PCDHGB2: variants seen among roughly 807,000 people sequenced by gnomAD.
PCDHGB2 encodes the protein protocadherin gamma-B2.
A neutral mutation model predicts 59.3 loss-of-function variants in PCDHGB2; 55 were observed. The observed-to-expected ratio is 0.93, with a 90% CI of 0.75 to 1.16. The LOEUF is 1.16. Among genes scored for constraint, PCDHGB2 ranks in the 50% most tolerant of loss-of-function variants. The probability of loss-of-function intolerance (pLI) is 0.00; values close to 1 mark genes in which losing one functional copy is unlikely to be tolerated. For missense variants in PCDHGB2, 1,228 were observed against 1,198.5 expected (o/e 1.02, Z -0.36); for synonymous variants, 516 against 512.0 (o/e 1.01, Z -0.11).
rs144695545 is a variant in PCDHGB2, at chr5:141,487,156, C to G, written c.2422-7651C>G. ...CACCACTCTCTACCTCTGTTACTCT[C>G]TTAGTGTCCTTAGAGGAAGACACTC... On this transcript the variant is annotated intron_variant, in intron 1 of 3. Transcript: ENST00000522605. This position sits in a 1 kb window ranked among gnomAD's most constrained non-coding sequence, Gnocchi z 5.0. 105 of 1,613,896 alleles carry G rather than the reference C, an allele frequency of 6.5e-5. No homozygotes were observed. In the African/African-American group the frequency reaches 1.2e-3, roughly 18 times the overall value.
chr5:141,431,719 A>G lies in PCDHGB2; in HGVS notation c.2422-63088A>G. On this transcript the variant is annotated intron_variant, in intron 1 of 3. Transcript: ENST00000522605. This position sits in a 1 kb window ranked among gnomAD's most constrained non-coding sequence, Gnocchi z 4.8. ...CAGGATTCTACCAGATGGAAGTGCA[A>G]GCAATGGATAATGCAGGATATTCTG... 6.2e-7 allele frequency: 1 copy of G among 1,614,244 alleles called. No individual in the cohort carries two copies. Among genetic ancestry groups the G allele is most frequent in the Non-Finnish European group, 8.5e-7 (1 of 1,180,050 alleles).
Position 141,502,866 on chromosome 5 carries a change from C to CTTTTTTTTTTTTT in PCDHGB2, c.2481-2525_2481-2513dup, listed in dbSNP as rs549047197. ...GAGCTGCCTAACCCTGACTCTCTGT[C>CTTTTTTTTTTTTT]TTTTTTTTTTTTTTGACAGGGAGTC... On this transcript the variant is annotated intron_variant, in intron 2 of 3. Transcript: ENST00000522605. Among the ~76,000 whole-genome samples, 40 of 128,010 alleles carry CTTTTTTTTTTTTT rather than the reference C, an allele frequency of 3.1e-4. 6 individuals carry two copies. The highest frequency in any genetic ancestry group is 5.1e-4 in the Admixed American group (6 of 11,656). 84.0% of individuals were successfully genotyped at this position (128,010 alleles called of 152,430 possible). A position where few individuals can be genotyped will look rare whatever the true frequency, so the allele number is the denominator to read the frequency against.
intron 1 of PCDHGB2, chr5:141,394,634 C>T (rs764703837): frequency 2.5e-6 from 4 of 1,613,328 alleles, no homozygotes; most frequent in Non-Finnish European, 1.7e-6. Flanking sequence ...TGTCCTACCG[C>T]CTGCTCAAGG....
At chr5:141,403,838 GA>G (rs751575888) in intron 1 of PCDHGB2, 1 of 1,613,592 alleles carries the variant, frequency 6.2e-7, no homozygotes, top group African/African-American at 1.3e-5. Context: ...CCAGCTTAAT[GA>G]AAATACTGGG....
At chr5:141,369,742 A>G (rs1766466506) in intron 1 of PCDHGB2, among the ~76,000 whole-genome samples, 1 of 152,236 alleles carries the variant, frequency 6.6e-6, no homozygotes, top group African/African-American at 2.4e-5. Flanking sequence ...AGGAAATAGA[A>G]TGCAATAAGA....
At chr5:141,416,217 G>A (rs1224952837) in intron 1 of PCDHGB2, 1 of 152,288 alleles carries the variant, frequency 6.6e-6, no homozygotes, top group Non-Finnish European at 1.5e-5. Flanking sequence ...AACAATGTAT[G>A]CTTAGATTTT....
At chr5:141,366,242 C>T (rs766649335) in intron 1 of PCDHGB2, 1 of 1,613,782 alleles carries the variant, frequency 6.2e-7, no homozygotes, top group East Asian at 2.2e-5. Flanking sequence ...CAGAGACGCG[C>T]TCAAGCAGAG....
At chr5:141,405,096 G>A (rs2094608531) in intron 1 of PCDHGB2, 6 of 1,613,808 alleles carry the variant, frequency 3.7e-6, no homozygotes, top group Admixed American at 1.7e-5. Flanking sequence ...CTGGCCCTCA[G>A]GCTGAGGCAC....
rs576464275 is a variant in PCDHGB2, at chr5:141,448,784, CA to C, written c.2422-46012del. ...TGAAACCCCGTCTGTACTAAAAATA[CA>C]AAAAAAAAAATTAGCCAGGCGTGAT... On this transcript the variant is annotated intron_variant, in intron 1 of 3. Coordinates refer to ENST00000522605, the MANE Select transcript of PCDHGB2 (RefSeq NM_018923.3). Among the ~76,000 whole-genome samples, 323 of 145,522 alleles carry C rather than the reference CA, an allele frequency of 2.2e-3. 2 individuals are homozygous for C. The highest frequency in any genetic ancestry group is 5.9e-3 in the African/African-American group (238 of 40,012).
chr5:141,413,032 C>A, intron 1 of PCDHGB2: 1 of 766,948 alleles, frequency 1.3e-6, no homozygotes, highest in Non-Finnish European at 2.0e-6. Context: ...CACAAACCGG[C>A]TGCTGGGCTG....
At chr5:141,464,278 G>GAAAA (rs2099080310) in intron 1 of PCDHGB2, among the ~76,000 whole-genome samples, 1 of 121,594 alleles carries the variant, frequency 8.2e-6, no homozygotes. Context: ...AAAAAAAAAA[G>GAAAA]CAAAAAAAAA....
At chr5:141,442,294 C>A (rs1194203452) in intron 1 of PCDHGB2, 1 of 152,584 alleles carries the variant, frequency 6.6e-6, no homozygotes, top group Admixed American at 6.5e-5. Context: ...ATGATCCTGT[C>A]TGAGTCTTTC....
At chr5:141,374,414 G>C in intron 1 of PCDHGB2, 1 of 1,614,026 alleles carries the variant, frequency 6.2e-7, no homozygotes, top group South Asian at 1.1e-5. Flanking sequence ...CATCCTTGTC[G>C]AGGATAAACT....
intron 1 of PCDHGB2, chr5:141,366,021 A>G (rs1165223117): frequency 1.9e-6 from 3 of 1,614,092 alleles, no homozygotes; most frequent in Non-Finnish European, 1.7e-6. Flanking sequence ...GAGATCCTGT[A>G]CCCCGCCCTC....
At chr5:141,371,849 C>T (rs1323132095) in intron 1 of PCDHGB2, 2 of 1,613,542 alleles carry the variant, frequency 1.2e-6, no homozygotes, top group Admixed American at 1.7e-5. Flanking sequence ...GACCTAATGG[C>T]CTTGTCTCCT....
chr5:141,460,037 C>A (rs1203902962), intron 1 of PCDHGB2, among the ~76,000 whole-genome samples: 1 of 152,120 alleles, frequency 6.6e-6, no homozygotes, highest in African/African-American at 2.4e-5. Context: ...GAGACTGCAC[C>A]ACTGCACTCC....
rs780436102 is a variant in PCDHGB2 at position 141,431,846 on chromosome 5, G to T, written c.2422-62961G>T. On this transcript the variant is annotated intron_variant, in intron 1 of 3. Coordinates refer to ENST00000522605, the MANE Select transcript of PCDHGB2 (RefSeq NM_018923.3). The surrounding 1 kb of genome is among the most constrained non-coding windows in gnomAD (Gnocchi z 4.8). ...CTCGGTTCCCGAAAACTCTCCCAGA[G>T]GGACATTAATTGCCCTTTTAAATGT... 4 of 1,614,274 alleles carry T rather than the reference G, an allele frequency of 2.5e-6. No homozygotes were observed. The South Asian group carries it at 4.4e-5, about 18-fold the overall frequency.
chr5:141,381,898 C>T (rs1777736173), intron 1 of PCDHGB2, among the ~76,000 whole-genome samples: 2 of 123,608 alleles, frequency 1.6e-5, no homozygotes, highest in African/African-American at 6.3e-5. Context: ...GGTGTGATCT[C>T]GGCTCACCAC....
At chr5:141,417,781 G>C in intron 1 of PCDHGB2, 1 of 1,473,574 alleles carries the variant, frequency 6.8e-7, no homozygotes. Flanking sequence ...CCTGTCCTGG[G>C]CCGAATGCTC....
Sources: allele counts gnomAD v4.1 joint callset (sites outside exome capture counted in the v4.1 genomes callset), GRCh38; gene constraint gnomAD v4.1.1; non-coding constraint Gnocchi (gnomAD v3.1); transcripts MANE v1.5; gene names NCBI Gene and HGNC (gene_info 2026-07-23, HGNC 2026-07-21).